SCN2A: variants seen among roughly 807,000 people sequenced by gnomAD.
The protein encoded by SCN2A is sodium channel protein type 2 subunit alpha.
Under a neutral mutation model 188.7 loss-of-function variants are expected in SCN2A, and 20 were observed. That is an observed-to-expected ratio of 0.11 (90% CI 0.07 to 0.15). The LOEUF (loss-of-function observed/expected upper bound fraction) is 0.15, where lower values mean the gene tolerates loss of function less well. Among genes scored for constraint, SCN2A ranks in the 10% least tolerant of loss-of-function variants. The probability of loss-of-function intolerance (pLI) is 1.00; values close to 1 mark genes in which losing one functional copy is unlikely to be tolerated. For synonymous variants in SCN2A, 804 were observed against 833.1 expected, an observed-to-expected ratio of 0.97 and a Z score of 0.60; for missense variants, 1,278 against 2,445.0, an observed-to-expected ratio of 0.52 and a Z score of 10.07.
At chr2:165,284,458 T>C (rs1195393684) in intron 1 of SCN2A, among the ~76,000 whole-genome samples, 6 of 152,044 alleles carry the variant, frequency 3.9e-5, no homozygotes, top group African/African-American at 1.4e-4. Flanking sequence ...CGTGAGCCAC[T>C]GCGCCCAGCC....
chr2:165,374,666 C>A lies in SCN2A; in HGVS notation c.3973-19C>A. 6.2e-7 allele frequency: 1 copy of A among 1,611,188 alleles called. No homozygotes were observed. Among genetic ancestry groups the A allele is most frequent in the South Asian group, 1.1e-5 (1 of 90,958 alleles). ...TGTTGTTGGCTTTTCACTTATTTTTCCTTCTCATCCTGTGCCAGGTTGTTG... is the reference window on the plus strand; with the variant it reads ...TGTTGTTGGCTTTTCACTTATTTTTACTTCTCATCCTGTGCCAGGTTGTTG... On this transcript the variant is annotated intron_variant, in intron 21 of 26. Transcript: ENST00000375437.
intron 1 of SCN2A, among the ~76,000 whole-genome samples, chr2:165,258,552 T>A (rs1270153353): frequency 1.3e-5 from 2 of 152,170 alleles, no homozygotes; most frequent in African/African-American, 4.8e-5. Context: ...TAAAGAAGAA[T>A]AACCATTCAA....
intron 11 of SCN2A, among the ~76,000 whole-genome samples, chr2:165,320,528 C>T (rs948529735): frequency 2.6e-5 from 4 of 152,208 alleles, no homozygotes; most frequent in African/African-American, 9.7e-5. Context: ...TCCATGAGAG[C>T]CCTGCCCCTG....
intron 11 of SCN2A, among the ~76,000 whole-genome samples, chr2:165,316,679 C>T (rs1369555089): frequency 6.6e-6 from 1 of 152,140 alleles, no homozygotes; most frequent in African/African-American, 2.4e-5. Context: ...TAGTTAATAT[C>T]CCCAATTTTT....
intron 1 of SCN2A, among the ~76,000 whole-genome samples, chr2:165,293,336 T>C (rs1192035588): frequency 6.6e-6 from 1 of 152,188 alleles, no homozygotes; most frequent in East Asian, 1.9e-4. Flanking sequence ...CAAGATATAT[T>C]CTGAGAAATG....
At position 165,291,571 on chromosome 2, in the gene SCN2A, TCCTTTCTC is replaced by T. The variant is rs748043439; in HGVS notation, c.-51-4201_-51-4194del. ...TTCCTTCCTTCCTTCCTTCCTTCCT[TCCTTTCTC>T]TCTCTCTCTCTCTCTCTCTCTTTCT... is the stretch of plus-strand genomic sequence containing the variant. On this transcript the variant is annotated intron_variant, in intron 1 of 26. Coordinates refer to ENST00000375437, the MANE Select transcript of SCN2A (RefSeq NM_001040142.2). Among the ~76,000 whole-genome samples, 313 of 75,006 alleles carry T rather than the reference TCCTTTCTC, an allele frequency of 4.2e-3. 4 individuals are homozygous for T. The East Asian group carries it at 0.081, about 20-fold the overall frequency. 49.2% of individuals were successfully genotyped at this position (75,006 alleles called of 152,430 possible).
At chr2:165,296,942 G>C in intron 2 of SCN2A, 75 bp from the exon 3 acceptor site, 1 of 789,018 alleles carries the variant, frequency 1.3e-6, no homozygotes, top group Non-Finnish European at 2.2e-6. Context: ...TATAAATAAT[G>C]GTTTTACTTT....
At chr2:165,341,125 G>T (rs1167900543) in intron 14 of SCN2A, among the ~76,000 whole-genome samples, 2 of 152,122 alleles carry the variant, frequency 1.3e-5, no homozygotes, top group East Asian at 1.9e-4. Flanking sequence ...ACGGAGTCTT[G>T]CTCTTTCGCC....
chr2:165,300,014 T>C (rs1437326693), intron 3 of SCN2A, among the ~76,000 whole-genome samples: 1 of 152,222 alleles, frequency 6.6e-6, no homozygotes, highest in Non-Finnish European at 1.5e-5. Context: ...AATGAGAAAT[T>C]ATGCTTGTGA....
At chr2:165,255,974 G>A (rs1694298608) in intron 1 of SCN2A, among the ~76,000 whole-genome samples, 1 of 138,378 alleles carries the variant, frequency 7.2e-6, no homozygotes, top group African/African-American at 2.8e-5. Flanking sequence ...AGCTCAACAG[G>A]AAATGTTTTC....
At chr2:165,378,205 G>A (rs1472514595) in intron 23 of SCN2A, among the ~76,000 whole-genome samples, 7 of 107,100 alleles carry the variant, frequency 6.5e-5, no homozygotes, top group South Asian at 3.2e-4. Context: ...GAGGAATGAA[G>A]TCACATTTTG....
At chr2:165,256,000 CTTT>C (rs765804959) in intron 1 of SCN2A, among the ~76,000 whole-genome samples, 1 of 88,444 alleles carries the variant, frequency 1.1e-5, no homozygotes, top group Non-Finnish European at 2.0e-5. Flanking sequence ...GGGCTCTTTT[CTTT>C]TTTTTTTTTT....
intron 23 of SCN2A, among the ~76,000 whole-genome samples, chr2:165,378,175 T>C (rs546040619): frequency 6.7e-6 from 1 of 150,212 alleles, no homozygotes; most frequent in South Asian, 2.1e-4. Flanking sequence ...ATAATTTTCA[T>C]TAATTTCTCA....
intron 1 of SCN2A, among the ~76,000 whole-genome samples, chr2:165,255,756 G>T (rs1478950187): frequency 6.6e-6 from 1 of 152,086 alleles, no homozygotes; most frequent in Non-Finnish European, 1.5e-5. Context: ...AAATATTTCT[G>T]TAATGCCCTC....
At chr2:165,369,749 G>A (rs1035177890) in intron 19 of SCN2A, among the ~76,000 whole-genome samples, 5 of 152,036 alleles carry the variant, frequency 3.3e-5, no homozygotes, top group Non-Finnish European at 5.9e-5. Flanking sequence ...TAGGCTGAGG[G>A]ACCTCCCTGC....
intron 1 of SCN2A, among the ~76,000 whole-genome samples, chr2:165,240,905 G>A (rs1367179378): frequency 1.3e-5 from 2 of 151,984 alleles, no homozygotes; most frequent in Non-Finnish European, 2.9e-5. Flanking sequence ...CCATATACAT[G>A]GAGATTTTTA....
intron 1 of SCN2A, among the ~76,000 whole-genome samples, chr2:165,293,403 G>T (rs939337353): frequency 2.0e-5 from 3 of 152,080 alleles, no homozygotes; most frequent in Admixed American, 2.0e-4. Context: ...GTAAAACCTA[G>T]ATGGTAGAGC....
chr2:165,363,243 T>C (rs925630668), intron 17 of SCN2A, among the ~76,000 whole-genome samples: 10 of 152,166 alleles, frequency 6.6e-5, no homozygotes, highest in African/African-American at 2.4e-4. Context: ...ATGTAAGCTC[T>C]GATACAGTCA....
chr2:165,274,148 G>A (rs1192161163), intron 1 of SCN2A: 2 of 151,832 alleles, frequency 1.3e-5, no homozygotes, highest in Non-Finnish European at 2.9e-5. Context: ...ATTTCTTTTT[G>A]TATAAAATAC....
Sources: allele counts gnomAD v4.1 joint callset (sites outside exome capture counted in the v4.1 genomes callset), GRCh38; gene constraint gnomAD v4.1.1; transcripts MANE v1.5; gene names NCBI Gene and HGNC (gene_info 2026-07-23, HGNC 2026-07-21).